Variants in DOCK11 observed in about 807,000 individuals in gnomAD.
DOCK11 encodes dedicator of cytokinesis protein 11.
A neutral mutation model predicts 169.1 loss-of-function variants in DOCK11; 70 were observed. The observed-to-expected ratio is 0.41, with a 90% CI of 0.34 to 0.51. The LOEUF (loss-of-function observed/expected upper bound fraction) is 0.51, where lower values mean the gene tolerates loss of function less well. DOCK11 is among the 20% of genes least tolerant of loss of function. The pLI is 0.10. For missense variants in DOCK11, 1,166 were observed against 1,538.8 expected (o/e 0.76, Z 4.05); for synonymous variants, 529 against 541.3 (o/e 0.98, Z 0.32).
intron 8 of DOCK11, among the ~76,000 whole-genome samples, 188 bp downstream of exon 8, chrX:118,566,370 A>G (rs1046957985): frequency 5.4e-5 from 6 of 112,064 alleles, no homozygotes; most frequent in Non-Finnish European, 1.1e-4. Flanking sequence ...CTGACATATG[A>G]AATATAACCA....
intron 46 of DOCK11, among the ~76,000 whole-genome samples, chrX:118,671,740 C>T (rs934612387): frequency 1.1e-4 from 12 of 111,514 alleles, no homozygotes; most frequent in South Asian, 7.6e-4. Flanking sequence ...AGTGCAGTGG[C>T]GCAATCTTGG....
chrX:118,684,136 G>A (rs1295043248), intron 52 of DOCK11, among the ~76,000 whole-genome samples: 1 of 111,177 alleles, frequency 9.0e-6, no homozygotes, highest in Non-Finnish European at 1.9e-5. Flanking sequence ...ATATTCTCTT[G>A]AGCTCCATAA....
intron 24 of DOCK11, among the ~76,000 whole-genome samples, chrX:118,607,571 G>A (rs2014565575): frequency 9.2e-6 from 1 of 108,621 alleles, no homozygotes; most frequent in East Asian, 2.9e-4. Context: ...ACAGGCCCCC[G>A]CCACCGCGCC....
At chrX:118,528,078 T>G (rs748897121) in intron 1 of DOCK11, among the ~76,000 whole-genome samples, 1 of 112,789 alleles carries the variant, frequency 8.9e-6, no homozygotes, top group East Asian at 2.8e-4. Context: ...GCAAATTGAT[T>G]GGGACACCAT....
chrX:118,618,205 A>G (rs1303040802), intron 30 of DOCK11, among the ~76,000 whole-genome samples: 6 of 112,128 alleles, frequency 5.4e-5, no homozygotes, highest in African/African-American at 1.9e-4. Flanking sequence ...CTTCAGCTAT[A>G]AAGAAATCTG....
At chrX:118,646,013 G>A (rs1229486419) in intron 40 of DOCK11, among the ~76,000 whole-genome samples, 2 of 97,183 alleles carry the variant, frequency 2.1e-5, no homozygotes, top group East Asian at 3.2e-4. Flanking sequence ...CCGAGATCGC[G>A]CCATTGCGCT....
At position 118,577,053 on chromosome X, in the gene DOCK11, TACTC is replaced by T. The variant is rs755318157; in HGVS notation, c.1390-1468_1390-1465del. On this transcript the variant is annotated intron_variant, in intron 12 of 52. Transcript: ENST00000276202. ...TGAACTGCAATCTTCTTCACCCACT[TACTC>T]ACTGCACAAACCTTTCTGAGCCTCC... Among the ~76,000 whole-genome samples, 56 of 112,916 alleles carry T rather than the reference TACTC, an allele frequency of 5.0e-4. 1 individual carries two copies. The highest frequency in any genetic ancestry group is 4.6e-3 in the Admixed American group (49 of 10,711).
intron 28 of DOCK11, among the ~76,000 whole-genome samples, chrX:118,612,318 A>G (rs1406311310): frequency 8.9e-6 from 1 of 112,275 alleles, no homozygotes; most frequent in Non-Finnish European, 1.9e-5. Context: ...CTATTACACT[A>G]GCCTTTTTTG....
chrX:118,666,385 G>A (rs2016339549), intron 45 of DOCK11, among the ~76,000 whole-genome samples: 1 of 111,814 alleles, frequency 8.9e-6, no homozygotes, highest in African/African-American at 3.3e-5. Context: ...CCATTCCTTC[G>A]GGAAAGGTTC....
chrX:118,638,762 G>A (rs1437413099), intron 37 of DOCK11, among the ~76,000 whole-genome samples: 1 of 111,460 alleles, frequency 9.0e-6, no homozygotes, highest in African/African-American at 3.3e-5. Flanking sequence ...TAGGTAGTTT[G>A]GGTGGTGAGG....
intron 11 of DOCK11, 41 bp downstream of exon 11, chrX:118,572,504 A>C: frequency 8.9e-7 from 1 of 1,119,560 alleles, no homozygotes; most frequent in Non-Finnish European, 1.2e-6. Flanking sequence ...GCATCAGTGC[A>C]TTAAAGAAAT....
chrX:118,519,890 C>T (rs2057712356), intron 1 of DOCK11, among the ~76,000 whole-genome samples: 1 of 111,538 alleles, frequency 9.0e-6, no homozygotes, highest in African/African-American at 3.3e-5. Context: ...CACTGTCACT[C>T]CTCTGCCATT....
intron 48 of DOCK11, 110 bp downstream of exon 48, chrX:118,676,847 T>G: frequency 1.4e-6 from 1 of 731,659 alleles, no homozygotes; most frequent in Non-Finnish European, 1.9e-6. Context: ...AACAGAGCTT[T>G]CCAGATAATA....
intron 6 of DOCK11, among the ~76,000 whole-genome samples, chrX:118,559,921 C>G (rs990429877): frequency 9.1e-6 from 1 of 109,516 alleles, no homozygotes; most frequent in African/African-American, 3.3e-5. Flanking sequence ...CCCACACATT[C>G]TCTTTCTGTT....
intron 46 of DOCK11, among the ~76,000 whole-genome samples, chrX:118,673,503 A>G (rs2016536599): frequency 8.9e-6 from 1 of 111,834 alleles, no homozygotes; most frequent in African/African-American, 3.3e-5. Flanking sequence ...ACACTGATGC[A>G]TACTTTTTCA....
intron 6 of DOCK11, among the ~76,000 whole-genome samples, chrX:118,560,068 A>G (rs1484940874): frequency 9.0e-6 from 1 of 111,205 alleles, no homozygotes; most frequent in Non-Finnish European, 1.9e-5. Flanking sequence ...AGCATTTATC[A>G]GTCTAACCTG....
chrX:118,653,570 G>A (rs1221205944), intron 42 of DOCK11, among the ~76,000 whole-genome samples: 13 of 110,216 alleles, frequency 1.2e-4, no homozygotes, highest in Admixed American at 1.1e-3. Flanking sequence ...CTGCCACCAC[G>A]CCTGGGTAAT....
chrX:118,583,030 A>C (rs112467991), intron 14 of DOCK11, among the ~76,000 whole-genome samples: 1,805 of 112,323 alleles, frequency 0.016, 22 homozygotes, highest in Non-Finnish European at 0.028. Flanking sequence ...GGACCAACCC[A>C]AATGTCCAAC....
intron 23 of DOCK11, 67 bp downstream of exon 23, chrX:118,599,295 T>G: frequency 1.2e-6 from 1 of 835,832 alleles, no homozygotes; most frequent in Non-Finnish European, 1.7e-6. Context: ...CATTTTGGTG[T>G]GAAAAAAAAA....
Sources: allele counts gnomAD v4.1 joint callset (sites outside exome capture counted in the v4.1 genomes callset), GRCh38; gene constraint gnomAD v4.1.1; transcripts MANE v1.5; gene names NCBI Gene and HGNC (gene_info 2026-07-23, HGNC 2026-07-21).